The following THSD7B variants were observed in gnomAD, a reference collection of about 807,000 sequenced individuals.
The protein encoded by THSD7B is thrombospondin type-1 domain-containing protein 7B.
In THSD7B, 138 loss-of-function variants were observed where a neutral mutation model predicts 213.6. That is an observed-to-expected ratio of 0.65 (90% CI 0.56 to 0.74). The LOEUF (loss-of-function observed/expected upper bound fraction) is 0.74, where lower values mean the gene tolerates loss of function less well. THSD7B is among the 30% of genes least tolerant of loss of function. The pLI is 0.00. For missense variants in THSD7B, 1,931 were observed against 1,991.5 expected (o/e 0.97, Z 0.58); for synonymous variants, 742 against 687.0 (o/e 1.08, Z -1.25).
intron 1 of THSD7B, among the ~76,000 whole-genome samples, chr2:136,850,733 C>T (rs1683086362): frequency 6.6e-6 from 1 of 151,766 alleles, no homozygotes; most frequent in Non-Finnish European, 1.5e-5. Context: ...TATTTTATAG[C>T]TAATATTTAA....
intron 16 of THSD7B, among the ~76,000 whole-genome samples, chr2:137,571,180 C>G (rs1035985562): frequency 2.6e-5 from 4 of 152,152 alleles, no homozygotes; most frequent in Non-Finnish European, 2.9e-5. Context: ...ATTAGTATTA[C>G]CTATTCATTA....
intron 1 of THSD7B, among the ~76,000 whole-genome samples, chr2:136,840,288 A>G (rs1682902777): frequency 6.6e-6 from 1 of 152,162 alleles, no homozygotes; most frequent in Non-Finnish European, 1.5e-5. Context: ...CTGAGGCAGG[A>G]GAATCACTTG....
At chr2:137,572,924 A>G (rs767631810) in intron 17 of THSD7B, among the ~76,000 whole-genome samples, 2 of 152,126 alleles carry the variant, frequency 1.3e-5, no homozygotes, top group Non-Finnish European at 2.9e-5. Context: ...GGCAGAATCA[A>G]TTACATCTTA....
rs1386597194 is a variant in THSD7B at position 136,890,771 on chromosome 2, C to T, written c.139+8454C>T. 2.6e-5 allele frequency among the ~76,000 whole-genome samples: 4 copies of T among 151,226 alleles called. No individual in the cohort carries two copies. The South Asian group carries it at 8.4e-4, about 32-fold the overall frequency. The stretch of plus-strand genomic sequence containing the variant: ...GGCCAGGCTGGTCTCGAACTCCTGA[C>T]CTCAGGTGATCCACCTGCCTCAGCC... On this transcript the variant is annotated intron_variant, in intron 2 of 27. Transcript: ENST00000409968.
At chr2:137,237,122 A>G (rs895350489) in intron 9 of THSD7B, among the ~76,000 whole-genome samples, 17 of 151,942 alleles carry the variant, frequency 1.1e-4, no homozygotes, top group Admixed American at 6.5e-5. Context: ...TCAAAAAAAA[A>G]AAAAAAAAAA....
At chr2:137,547,754 T>G (rs1680769643) in intron 15 of THSD7B, among the ~76,000 whole-genome samples, 1 of 151,976 alleles carries the variant, frequency 6.6e-6, no homozygotes, top group South Asian at 2.1e-4. Flanking sequence ...TTCTGTCCTC[T>G]TTCACTTCCT....
At chr2:137,365,814 A>C (rs1201556045) in intron 12 of THSD7B, among the ~76,000 whole-genome samples, 1 of 152,232 alleles carries the variant, frequency 6.6e-6, no homozygotes, top group Non-Finnish European at 1.5e-5. Flanking sequence ...TAGTTCAACC[A>C]TTGTGGAAGT....
chr2:137,024,751 T>G (rs1264614092), intron 2 of THSD7B, among the ~76,000 whole-genome samples: 1 of 152,146 alleles, frequency 6.6e-6, no homozygotes, highest in Non-Finnish European at 1.5e-5. Context: ...ATTCTGTTAG[T>G]TTTCTTCATC....
At chr2:137,501,787 C>A (rs1679712840) in intron 15 of THSD7B, among the ~76,000 whole-genome samples, 1 of 152,324 alleles carries the variant, frequency 6.6e-6, no homozygotes, top group African/African-American at 2.4e-5. Context: ...AAATTAGCAT[C>A]TCTGAAGCCA....
At chr2:136,796,718 G>C (rs1171737901) in intron 1 of THSD7B, among the ~76,000 whole-genome samples, 2 of 151,832 alleles carry the variant, frequency 1.3e-5, no homozygotes, top group Admixed American at 1.3e-4. Flanking sequence ...ATTTGTTTAG[G>C]TTTGGAAAAA....
At chr2:137,603,678 G>A (rs919433279) in intron 17 of THSD7B, among the ~76,000 whole-genome samples, 10 of 152,248 alleles carry the variant, frequency 6.6e-5, no homozygotes, top group East Asian at 1.9e-4. Flanking sequence ...TGCTTATTAC[G>A]CTATGTGACT....
intron 1 of THSD7B, among the ~76,000 whole-genome samples, chr2:136,811,904 C>A (rs1409428278): frequency 6.6e-6 from 1 of 152,122 alleles, no homozygotes; most frequent in Admixed American, 6.5e-5. Flanking sequence ...CCTCCATACT[C>A]ATTGATGTTA....
chr2:137,349,308 G>A (rs1169626749), intron 12 of THSD7B, among the ~76,000 whole-genome samples: 1 of 151,594 alleles, frequency 6.6e-6, no homozygotes, highest in Non-Finnish European at 1.5e-5. Flanking sequence ...ATTTCTTTAT[G>A]GAATAAAATG....
chr2:136,827,490 G>A (rs917760459), intron 1 of THSD7B, among the ~76,000 whole-genome samples: 1 of 152,166 alleles, frequency 6.6e-6, no homozygotes, highest in African/African-American at 2.4e-5. Context: ...TTTGAGGAAA[G>A]AATAACCCAG....
chr2:137,107,623 T>A (rs1688280220), intron 4 of THSD7B, among the ~76,000 whole-genome samples: 1 of 152,216 alleles, frequency 6.6e-6, no homozygotes. Context: ...AATCTGGAAT[T>A]GTTTCAATAG....
At chr2:137,250,650 G>A (rs189780683) in intron 10 of THSD7B, among the ~76,000 whole-genome samples, 1 of 152,162 alleles carries the variant, frequency 6.6e-6, no homozygotes, top group East Asian at 1.9e-4. Context: ...TGTGTATATG[G>A]ATAAAGTAGT....
At chr2:136,780,284 A>G (rs1681715888) in intron 1 of THSD7B, among the ~76,000 whole-genome samples, 1 of 152,112 alleles carries the variant, frequency 6.6e-6, no homozygotes, top group South Asian at 2.1e-4. Flanking sequence ...GCAGAAGAGT[A>G]GAAGAGAGAA....
At chr2:136,885,064 T>G (rs1458695520) in intron 2 of THSD7B, among the ~76,000 whole-genome samples, 1 of 152,166 alleles carries the variant, frequency 6.6e-6, no homozygotes. Flanking sequence ...GCAGTTGAAA[T>G]TAGCTGTATT....
chr2:136,812,192 C>T (rs1290392807), intron 1 of THSD7B, among the ~76,000 whole-genome samples: 1 of 152,170 alleles, frequency 6.6e-6, no homozygotes, highest in Non-Finnish European at 1.5e-5. Flanking sequence ...ATTCTGGTTG[C>T]TGGATCACAC....
Sources: gnomAD v4.1 joint callset for allele counts (sites outside exome capture counted in the v4.1 genomes callset) on GRCh38, gnomAD v4.1.1 for gene constraint, MANE v1.5 for transcripts, NCBI Gene and HGNC (gene_info 2026-07-23, HGNC 2026-07-21) for gene names.